CHST9: variants seen among roughly 807,000 people sequenced by gnomAD.
CHST9 encodes carbohydrate sulfotransferase 9.
A neutral mutation model predicts 44.4 loss-of-function variants in CHST9; 41 were observed. The ratio of observed to expected loss-of-function variants is 0.92; its 90% CI spans 0.72 to 1.20. CHST9 has a LOEUF of 1.20. Ranked by LOEUF, CHST9 falls within the 50% of genes most tolerant of loss-of-function variation. The probability of loss-of-function intolerance (pLI) is 0.00; values close to 1 mark genes in which losing one functional copy is unlikely to be tolerated. For synonymous variants in CHST9, 171 were observed against 178.4 expected (o/e 0.96, Z 0.33); for missense variants, 504 against 516.5 (o/e 0.98, Z 0.23).
At position 27,011,639 on chromosome 18, in the gene CHST9, T is replaced by C. The variant is rs184738974; in HGVS notation, c.202+12477A>G. On this transcript the variant is annotated intron_variant, in intron 4 of 5. Coordinates refer to ENST00000618847, the MANE Select transcript of CHST9 (RefSeq NM_031422.6). The stretch of plus-strand genomic sequence containing the variant: ...GGGGAGATCTTTTAAGAGAAGACCA[T>C]AGAAATAAGTTCAGGGAGCCTTTGA... Among the ~76,000 whole-genome samples the C allele has an allele frequency of 3.9e-4, 60 of 152,350 alleles. 1 individual carries two copies. Among genetic ancestry groups the C allele is most frequent in the Middle Eastern group, 3.4e-3 (1 of 294 alleles).
intron 2 of CHST9, among the ~76,000 whole-genome samples, chr18:27,140,927 T>C (rs1280871028): frequency 2.7e-5 from 3 of 110,546 alleles, no homozygotes; most frequent in Non-Finnish European, 3.9e-5. Context: ...AATCATTATA[T>C]GCAACCTCTT....
At chr18:27,084,431 C>T (rs1371759406) in intron 2 of CHST9, among the ~76,000 whole-genome samples, 1 of 147,308 alleles carries the variant, frequency 6.8e-6, no homozygotes, top group African/African-American at 2.5e-5. Flanking sequence ...AGTTTGAGCT[C>T]ATAGTGGTGT....
intron 2 of CHST9, among the ~76,000 whole-genome samples, chr18:27,111,730 G>A (rs182439979): frequency 6.8e-4 from 103 of 152,330 alleles, no homozygotes; most frequent in African/African-American, 2.4e-3. Context: ...GAATGGTTCT[G>A]CAACAGATTA....
chr18:27,143,831 T>C (rs1020846014), intron 1 of CHST9, among the ~76,000 whole-genome samples: 1 of 151,960 alleles, frequency 6.6e-6, no homozygotes, highest in South Asian at 2.1e-4. Flanking sequence ...TTAGGACAAA[T>C]ACCTAATGTA....
chr18:26,968,548 C>T (rs1466726379), intron 4 of CHST9, among the ~76,000 whole-genome samples: 1 of 152,058 alleles, frequency 6.6e-6, no homozygotes. Context: ...TACCTGTGTG[C>T]CAAATTCTAA....
At chr18:27,157,625 G>T (rs768317183) in intron 1 of CHST9, among the ~76,000 whole-genome samples, 1 of 152,042 alleles carries the variant, frequency 6.6e-6, no homozygotes, top group Non-Finnish European at 1.5e-5. Context: ...TATAGGAAGC[G>T]CTTAAGGCAT....
intron 2 of CHST9, among the ~76,000 whole-genome samples, chr18:27,071,999 T>G (rs1276242031): frequency 1.3e-5 from 2 of 152,238 alleles, no homozygotes; most frequent in Non-Finnish European, 2.9e-5. Flanking sequence ...ATGCTGTTCC[T>G]GCTTACCATT....
At chr18:26,982,566 G>C (rs1450386355) in intron 4 of CHST9, among the ~76,000 whole-genome samples, 1 of 152,148 alleles carries the variant, frequency 6.6e-6, no homozygotes, top group South Asian at 2.1e-4. Context: ...CCTTACTGGG[G>C]ACGGGGGACA....
At chr18:26,919,518 A>G (rs1255102697) in intron 5 of CHST9, among the ~76,000 whole-genome samples, 1 of 152,226 alleles carries the variant, frequency 6.6e-6, no homozygotes, top group Non-Finnish European at 1.5e-5. Flanking sequence ...TTACACTGCT[A>G]TAAATAATAA....
chr18:27,156,169 AAAC>A (rs916810377), intron 1 of CHST9, among the ~76,000 whole-genome samples: 9 of 151,822 alleles, frequency 5.9e-5, no homozygotes, highest in African/African-American at 1.9e-4. Context: ...CCAAAAAAAA[AAAC>A]AGTGAAAAAA....
At chr18:26,986,148 A>G (rs1433909178) in intron 4 of CHST9, among the ~76,000 whole-genome samples, 1 of 152,226 alleles carries the variant, frequency 6.6e-6, no homozygotes, top group Non-Finnish European at 1.5e-5. Flanking sequence ...AAATCAATTT[A>G]ACTTAAACAG....
In CHST9 at chr18:26,916,319, T is replaced by G; in HGVS notation, c.1272A>C (p.Leu424Phe). Residue 424 changes from leucine (L) to phenylalanine (F), a missense_variant, in exon 6 of 6, where the codon TTA becomes TTC. Transcript: ENST00000618847. ...LKDLTRTERQ[L>F]IYDFYYLDYL... The stretch of plus-strand genomic sequence containing the variant: ...AGTCCAAGTAATAAAAGTCATAGAT[T>G]AATTGTCTCTCAGTTCTAGTCAGAT... The G allele has an allele frequency of 1.2e-6, 2 of 1,608,404 alleles. No individual in the cohort carries two copies. Among genetic ancestry groups the G allele is most frequent in the Non-Finnish European group, 1.7e-6 (2 of 1,175,258 alleles).
chr18:26,924,071 T>A (rs2055715856), intron 5 of CHST9, among the ~76,000 whole-genome samples: 1 of 152,030 alleles, frequency 6.6e-6, no homozygotes, highest in Non-Finnish European at 1.5e-5. Context: ...ATGATGGGGA[T>A]TTTCAATAAG....
chr18:26,999,556 G>A (rs2056924907), intron 4 of CHST9, among the ~76,000 whole-genome samples: 1 of 151,892 alleles, frequency 6.6e-6, no homozygotes, highest in Non-Finnish European at 1.5e-5. Context: ...GTAATTACAT[G>A]TTTTGTAAGA....
At chr18:27,166,567 G>A (rs2058792195) in intron 1 of CHST9, among the ~76,000 whole-genome samples, 1 of 152,072 alleles carries the variant, frequency 6.6e-6, no homozygotes, top group South Asian at 2.1e-4. Flanking sequence ...CACAGTGAGT[G>A]GAACAGAAAT....
At chr18:27,026,874 AT>A (rs1419695796) in intron 3 of CHST9, among the ~76,000 whole-genome samples, 1 of 152,254 alleles carries the variant, frequency 6.6e-6, no homozygotes, top group Non-Finnish European at 1.5e-5. Flanking sequence ...CTTAATTTAG[AT>A]AATCAAATAA....
chr18:27,004,787 G>A lies in CHST9; in HGVS notation c.202+19329C>T, dbSNP rs2056995732. The stretch of plus-strand genomic sequence containing the variant: ...GCAGAAAGGAGGGTTTCTTGAGCAG[G>A]TCTAGGACACCATAATAAATTACTG... On this transcript the variant is annotated intron_variant, in intron 4 of 5. Coordinates refer to ENST00000618847, the MANE Select transcript of CHST9 (RefSeq NM_031422.6). 2.0e-5 allele frequency among the ~76,000 whole-genome samples: 3 copies of A among 152,238 alleles called. No homozygotes were observed. In the South Asian group the frequency reaches 6.2e-4, roughly 32 times the overall value.
intron 3 of CHST9, among the ~76,000 whole-genome samples, chr18:27,038,463 T>C (rs1408699394): frequency 6.6e-6 from 1 of 152,066 alleles, no homozygotes; most frequent in African/African-American, 2.4e-5. Flanking sequence ...GGAGAATCAC[T>C]TGAACTCGGG....
intron 4 of CHST9, among the ~76,000 whole-genome samples, chr18:26,996,956 C>A (rs545407359): frequency 1.1e-4 from 16 of 152,288 alleles, no homozygotes; most frequent in African/African-American, 3.4e-4. Flanking sequence ...ACATGTCCCA[C>A]AACTATCAGA....
Sources: allele counts gnomAD v4.1 joint callset (sites outside exome capture counted in the v4.1 genomes callset), GRCh38; gene constraint gnomAD v4.1.1; transcripts MANE v1.5; gene names NCBI Gene and HGNC (gene_info 2026-07-23, HGNC 2026-07-21).